CDC40: variants seen among roughly 807,000 people sequenced by gnomAD.
CDC40 encodes the protein cell division cycle 40.
In CDC40, 27 loss-of-function variants were observed where a neutral mutation model predicts 80.6. That is an observed-to-expected ratio of 0.33 (90% CI 0.25 to 0.46). CDC40 has a LOEUF of 0.46. Among genes scored for constraint, CDC40 ranks in the 20% least tolerant of loss-of-function variants. The pLI is 1.00. For missense variants in CDC40, 486 were observed against 694.1 expected (o/e 0.70, Z 3.37); for synonymous variants, 221 against 232.6 (o/e 0.95, Z 0.45).
chr6:110,230,410 G>A lies in CDC40; in HGVS notation c.*279G>A. 3.6e-6 allele frequency: 1 copy of A among 281,104 alleles called. No individual in the cohort carries two copies. The highest frequency in any genetic ancestry group is 6.6e-6 in the Non-Finnish European group (1 of 150,862). The allele number at this position is 281,104 out of a possible 1,614,324, so 17.4% of individuals were successfully genotyped here. On this transcript the variant is annotated 3_prime_UTR_variant, in exon 15 of 15. Transcript: ENST00000307731. Reference sequence around the variant, plus strand: ...AGTTTATACTCATGACATACTGAAAGCATCTCTTTGGGGTCAAGAAAGAAT... The same window carrying A: ...AGTTTATACTCATGACATACTGAAAACATCTCTTTGGGGTCAAGAAAGAAT...
intron 1 of CDC40, among the ~76,000 whole-genome samples, chr6:110,190,830 A>G (rs1435853082): frequency 6.6e-6 from 1 of 151,616 alleles, no homozygotes; most frequent in Non-Finnish European, 1.5e-5. Context: ...TTCAACTAAG[A>G]CCCCAACTCC....
chr6:110,219,708 T>G, intron 11 of CDC40, 28 bp from the exon 12 acceptor site: 1 of 1,611,202 alleles, frequency 6.2e-7, no homozygotes, highest in South Asian at 1.1e-5. Context: ...TACTTCTGTC[T>G]TTACCTTTTT....
intron 5 of CDC40, among the ~76,000 whole-genome samples, chr6:110,209,704 C>T (rs1305213139): frequency 6.6e-6 from 1 of 152,116 alleles, no homozygotes; most frequent in Non-Finnish European, 1.5e-5. Context: ...ACCTCCTAAT[C>T]TCACTGTCTC....
chr6:110,214,741 A>G (rs552053763), intron 8 of CDC40, among the ~76,000 whole-genome samples: 3 of 152,334 alleles, frequency 2.0e-5, no homozygotes, highest in African/African-American at 7.2e-5. Flanking sequence ...CCTTGAAGCT[A>G]TTGTATTAAT....
At chr6:110,212,742 T>C (rs952562138) in intron 7 of CDC40, among the ~76,000 whole-genome samples, 3 of 152,206 alleles carry the variant, frequency 2.0e-5, no homozygotes, top group African/African-American at 7.2e-5. Flanking sequence ...GATGTTGATA[T>C]TCTTTGTCAT....
chr6:110,192,019 A>C (rs1452279823), intron 1 of CDC40, among the ~76,000 whole-genome samples: 3 of 152,206 alleles, frequency 2.0e-5, no homozygotes, highest in Admixed American at 6.5e-5. Flanking sequence ...GCCCTGTAAA[A>C]CTACTCTAGG....
chr6:110,191,074 G>A (rs1026479184), intron 1 of CDC40, among the ~76,000 whole-genome samples: 3 of 152,184 alleles, frequency 2.0e-5, no homozygotes, highest in Non-Finnish European at 4.4e-5. Context: ...GGACCTGATA[G>A]GCTCTGAATC....
chr6:110,214,186 AACTTTT>A (rs1165946310), intron 8 of CDC40, among the ~76,000 whole-genome samples: 2 of 152,164 alleles, frequency 1.3e-5, no homozygotes, highest in South Asian at 2.1e-4. Flanking sequence ...CATTTTACTT[AACTTTT>A]ACTTTTACTT....
chr6:110,185,579 C>T (rs549243701), intron 1 of CDC40, among the ~76,000 whole-genome samples: 2 of 152,118 alleles, frequency 1.3e-5, no homozygotes, highest in South Asian at 2.1e-4. Context: ...AAAAGCAGAC[C>T]GTGGCCTGGA....
chr6:110,201,760 T>C (rs1193642947), intron 3 of CDC40, 73 bp downstream of exon 3: 37 of 1,297,100 alleles, frequency 2.9e-5, no homozygotes, highest in Non-Finnish European at 3.9e-5. Context: ...TTAGTCTGTT[T>C]TATCTTCTGG....
At chr6:110,196,407 C>T (rs1777419801) in intron 2 of CDC40, among the ~76,000 whole-genome samples, 1 of 152,098 alleles carries the variant, frequency 6.6e-6, no homozygotes, top group South Asian at 2.1e-4. Flanking sequence ...ATGGATAGAA[C>T]TCGAAGACAT....
In CDC40 at chr6:110,188,258, T is replaced by C. The variant is rs550606093; in HGVS notation, c.190-4924T>C. On this transcript the variant is annotated intron_variant, in intron 1 of 14. Transcript: ENST00000307731. ...AGCAACTATACACTATAAAATCCTTTGGGAAGATATGAATGTGGCTAAGCC... is the reference window on the plus strand; with the variant it reads ...AGCAACTATACACTATAAAATCCTTCGGGAAGATATGAATGTGGCTAAGCC... Among the ~76,000 whole-genome samples the C allele has an allele frequency of 7.2e-5, 11 of 152,346 alleles. No individual in the cohort carries two copies. The South Asian group carries it at 2.3e-3, about 32-fold the overall frequency.
rs527803452 is a variant in CDC40 at position 110,231,870 on chromosome 6, T to C, written c.*1739T>C. ...TAGAAAAAGAATAAAAGCGGAGATA[T>C]ATTTTTTGACACAGAGGCACCCAAA... On this transcript the variant is annotated 3_prime_UTR_variant, in exon 15 of 15. Coordinates refer to ENST00000307731, the MANE Select transcript of CDC40 (RefSeq NM_015891.3). The C allele has an allele frequency of 8.1e-4, 118 of 146,072 alleles. 5 individuals carry two copies. The East Asian group carries it at 0.021, about 26-fold the overall frequency. The allele number at this position is 146,072 out of a possible 1,614,324, so 9.0% of individuals were successfully genotyped here. A position where few individuals can be genotyped will look rare whatever the true frequency, so the allele number is the denominator to read the frequency against.
In CDC40 at chr6:110,212,014, ATTAC is replaced by A. The variant is rs1777643339; in HGVS notation, c.728-118_728-115del. 3.9e-6 allele frequency: 3 copies of A among 764,578 alleles called. No homozygotes were observed. In the Admixed American group the frequency reaches 7.6e-5, roughly 19 times the overall value. 47.4% of individuals were successfully genotyped at this position (764,578 alleles called of 1,614,324 possible). ...ATGATCTTGACATCATTGGAGTGTT[ATTAC>A]CTAAACCTTAATATGGAATGATATA... On this transcript the variant is annotated intron_variant, in intron 6 of 14. Coordinates refer to ENST00000307731, the MANE Select transcript of CDC40 (RefSeq NM_015891.3).
chr6:110,224,476 C>T (rs1299131493), intron 12 of CDC40: 2 of 152,272 alleles, frequency 1.3e-5, no homozygotes, highest in East Asian at 1.9e-4. Flanking sequence ...GCAGCCTCCA[C>T]CTCCTGGCTT....
chr6:110,220,885 G>A (rs1339625932), intron 12 of CDC40, among the ~76,000 whole-genome samples: 1 of 152,104 alleles, frequency 6.6e-6, no homozygotes, highest in Non-Finnish European at 1.5e-5. Flanking sequence ...CCGTGATTCA[G>A]TTATCTCCCA....
At chr6:110,229,927 T>C in intron 14 of CDC40, 27 bp from the exon 15 acceptor site, 1 of 1,488,092 alleles carries the variant, frequency 6.7e-7, no homozygotes, top group Non-Finnish European at 9.3e-7. Flanking sequence ...TTTTAATAAT[T>C]TGAATTTATC....
intron 9 of CDC40, among the ~76,000 whole-genome samples, chr6:110,216,923 A>G (rs1414062831): frequency 6.6e-6 from 1 of 152,170 alleles, no homozygotes; most frequent in Admixed American, 6.5e-5. Context: ...CCTGGGCAAC[A>G]TGGCAAAACC....
At chr6:110,218,905 T>C (rs182440106) in intron 10 of CDC40, among the ~76,000 whole-genome samples, 70 of 151,758 alleles carry the variant, frequency 4.6e-4, no homozygotes, top group Admixed American at 2.2e-3. Context: ...CGGCACTCAG[T>C]AAAGGTTTCT....
Sources: allele counts gnomAD v4.1 joint callset (sites outside exome capture counted in the v4.1 genomes callset), GRCh38; gene constraint gnomAD v4.1.1; transcripts MANE v1.5; gene names NCBI Gene and HGNC (gene_info 2026-07-23, HGNC 2026-07-21).